The following NREP variants were observed in gnomAD, a reference collection of about 807,000 sequenced individuals.
NREP encodes neuronal regeneration-related protein.
A neutral mutation model predicts 8.6 loss-of-function variants in NREP; 5 were observed. The ratio of observed to expected loss-of-function variants is 0.58; its 90% CI spans 0.30 to 1.22. The LOEUF (loss-of-function observed/expected upper bound fraction) is 1.22. Among genes scored for constraint, NREP ranks in the 50% most tolerant of loss-of-function variants. The pLI is 0.07. For synonymous variants in NREP, 27 were observed against 28.0 expected (o/e 0.96, Z 0.11); for missense variants, 86 against 82.5 (o/e 1.04, Z -0.17).
exon 1 of NREP, chr5:111,976,835 G>T: frequency 1.1e-6 from 1 of 911,304 alleles, no homozygotes; most frequent in Non-Finnish European, 1.7e-6. Flanking sequence ...ACACAGCTCT[G>T]CAGCCCATTC....
intron 2 of NREP, among the ~76,000 whole-genome samples, chr5:111,789,167 G>A (rs1012592290): frequency 5.3e-5 from 8 of 152,094 alleles, no homozygotes; most frequent in Non-Finnish European, 1.0e-4. Flanking sequence ...ACACATATAT[G>A]TGTATGCCTG....
At chr5:111,814,974 A>G (rs1025825602) in intron 2 of NREP, among the ~76,000 whole-genome samples, 4 of 152,010 alleles carry the variant, frequency 2.6e-5, no homozygotes, top group Admixed American at 1.3e-4. Flanking sequence ...AAAAAAAAAA[A>G]AAAGGAATAC....
At chr5:111,826,488 G>C (rs1474470989) in intron 2 of NREP, among the ~76,000 whole-genome samples, 3 of 152,170 alleles carry the variant, frequency 2.0e-5, no homozygotes, top group African/African-American at 7.2e-5. Context: ...CCTGAAGTCA[G>C]CAAGACCACC....
At chr5:111,912,916 T>G (rs1370265968) in intron 2 of NREP, among the ~76,000 whole-genome samples, 1 of 152,144 alleles carries the variant, frequency 6.6e-6, no homozygotes, top group African/African-American at 2.4e-5. Context: ...ACTTGTATTT[T>G]TTTCTTCCTA....
At chr5:111,861,983 ATTC>A (rs1173513209) in intron 2 of NREP, among the ~76,000 whole-genome samples, 2 of 152,210 alleles carry the variant, frequency 1.3e-5, no homozygotes, top group African/African-American at 2.4e-5. Context: ...CATAATGACT[ATTC>A]TTCTAAATAC....
At chr5:111,756,053 T>A (rs1254158505) in intron 1 of NREP, 3 of 1,250,598 alleles carry the variant, frequency 2.4e-6, no homozygotes, top group Non-Finnish European at 3.0e-6. Flanking sequence ...TGCAGAGTCC[T>A]GGGCTATTCT....
intron 2 of NREP, among the ~76,000 whole-genome samples, chr5:111,960,369 A>G (rs1756446325): frequency 6.6e-6 from 1 of 152,162 alleles, no homozygotes; most frequent in Non-Finnish European, 1.5e-5. Flanking sequence ...TCTTTAACAT[A>G]TTTAATGGAT....
At chr5:111,958,807 A>G (rs1386326766) in intron 2 of NREP, among the ~76,000 whole-genome samples, 1 of 151,960 alleles carries the variant, frequency 6.6e-6, no homozygotes, top group Admixed American at 6.6e-5. Context: ...AATTTACTTT[A>G]TAAAGCTGTA....
chr5:111,905,642 G>C lies in NREP; in HGVS notation c.135+69632C>G, dbSNP rs137946440. Among the ~76,000 whole-genome samples the C allele has an allele frequency of 4.7e-3, 711 of 152,054 alleles. 4 individuals carry two copies. Among genetic ancestry groups the C allele is most frequent in the African/African-American group, 0.016 (666 of 41,494 alleles). On this transcript the variant is annotated intron_variant, in intron 2 of 3. Transcript: ENST00000395634. ...TTCACAAGACAGCAAAGTTCAAATC[G>C]AAAGAGAACTTTATGATTCAATGTT...
chr5:111,772,165 T>G (rs947188013), intron 2 of NREP, among the ~76,000 whole-genome samples: 1 of 152,160 alleles, frequency 6.6e-6, no homozygotes, highest in Admixed American at 6.5e-5. Context: ...GTGTGAAAAT[T>G]TACAAGCTAG....
chr5:111,937,280 A>C (rs1227733318), intron 2 of NREP, among the ~76,000 whole-genome samples: 2 of 152,094 alleles, frequency 1.3e-5, no homozygotes, highest in Non-Finnish European at 2.9e-5. Flanking sequence ...TCCAGGGGTC[A>C]TAACTGTCTT....
upstream of NREP, among the ~76,000 whole-genome samples, chr5:111,762,165 G>A (rs1294583875): frequency 1.3e-5 from 2 of 152,122 alleles, no homozygotes; most frequent in Non-Finnish European, 2.9e-5. Context: ...CTCATTATGG[G>A]TTCAGAAAGC....
chr5:111,778,501 CA>C (rs1237336114), intron 2 of NREP, among the ~76,000 whole-genome samples: 1 of 152,102 alleles, frequency 6.6e-6, no homozygotes, highest in African/African-American at 2.4e-5. Flanking sequence ...GGCCAATTGT[CA>C]GTAGTATGAA....
chr5:111,850,603 T>C (rs1010283082), intron 2 of NREP, among the ~76,000 whole-genome samples: 1 of 152,144 alleles, frequency 6.6e-6, no homozygotes, highest in Non-Finnish European at 1.5e-5. Flanking sequence ...TCATCTCTTG[T>C]GTCTTGTTGC....
At chr5:111,804,417 G>A (rs1752087779) in intron 2 of NREP, among the ~76,000 whole-genome samples, 1 of 151,990 alleles carries the variant, frequency 6.6e-6, no homozygotes, top group Non-Finnish European at 1.5e-5. Flanking sequence ...AACCATAAAA[G>A]GACTAGAAGA....
At chr5:111,786,706 T>G (rs1364849437) in intron 2 of NREP, among the ~76,000 whole-genome samples, 1 of 152,226 alleles carries the variant, frequency 6.6e-6, no homozygotes, top group Non-Finnish European at 1.5e-5. Flanking sequence ...TGAATGCTGT[T>G]GCATCTAAAG....
chr5:111,791,922 TAAA>T (rs1440186104), intron 2 of NREP, among the ~76,000 whole-genome samples: 1 of 152,206 alleles, frequency 6.6e-6, no homozygotes, highest in African/African-American at 2.4e-5. Context: ...ATCTGACTTT[TAAA>T]ATGAGGATAA....
At chr5:111,761,860 T>C (rs927859280), upstream of NREP, among the ~76,000 whole-genome samples, 4 of 152,224 alleles carry the variant, frequency 2.6e-5, no homozygotes, top group African/African-American at 7.2e-5. Flanking sequence ...AGGGAAAGAA[T>C]TGTATTTCAT....
At chr5:111,941,171 T>C (rs551110226) in intron 2 of NREP, among the ~76,000 whole-genome samples, 1 of 152,034 alleles carries the variant, frequency 6.6e-6, no homozygotes, top group East Asian at 1.9e-4. Flanking sequence ...AGGCATTCAA[T>C]TGCAAAGGAA....
Sources: gnomAD v4.1 joint callset for allele counts (sites outside exome capture counted in the v4.1 genomes callset) on GRCh38, gnomAD v4.1.1 for gene constraint, MANE v1.5 for transcripts, NCBI Gene and HGNC (gene_info 2026-07-23, HGNC 2026-07-21) for gene names.